The following IFI44 variants were observed in gnomAD, a reference collection of about 807,000 sequenced individuals.
IFI44 encodes interferon induced protein 44.
A neutral mutation model predicts 45.0 loss-of-function variants in IFI44; 42 were observed. The ratio of observed to expected loss-of-function variants is 0.93; its 90% CI spans 0.73 to 1.21. The LOEUF is 1.21. IFI44 is among the 50% of genes most tolerant of loss of function. The probability of loss-of-function intolerance (pLI) is 0.00; values close to 1 mark genes in which losing one functional copy is unlikely to be tolerated. For synonymous variants in IFI44, 221 were observed against 188.6 expected, an observed-to-expected ratio of 1.17 and a Z score of -1.41; for missense variants, 623 against 525.8, an observed-to-expected ratio of 1.18 and a Z score of -1.81.
At chr1:78,655,772 T>C (rs990278450) in intron 5 of IFI44, among the ~76,000 whole-genome samples, 21 of 152,262 alleles carry the variant, frequency 1.4e-4, no homozygotes, top group African/African-American at 4.3e-4. Context: ...ATTTTTCTTA[T>C]GTAAGAGGAA....
In IFI44 at chr1:78,663,914, G is replaced by A; in HGVS notation, c.*103G>A. The A allele has an allele frequency of 9.7e-7, 1 of 1,028,518 alleles. No homozygotes were observed. Among genetic ancestry groups the A allele is most frequent in the Non-Finnish European group, 1.4e-6 (1 of 712,298 alleles). 63.7% of individuals were successfully genotyped at this position (1,028,518 alleles called of 1,614,324 possible). The stretch of plus-strand genomic sequence containing the variant: ...GAAGTATCTAAGACCAAAGGGATGT[G>A]TTTTATTAATGTCTAGGATGAAGAA... On this transcript the variant is annotated 3_prime_UTR_variant, in exon 9 of 9. Transcript: ENST00000370747.
At chr1:78,658,953 G>A (rs1183538033) in intron 5 of IFI44, among the ~76,000 whole-genome samples, 4 of 151,906 alleles carry the variant, frequency 2.6e-5, no homozygotes, top group Non-Finnish European at 5.9e-5. Flanking sequence ...CCCTCCTTGC[G>A]CTCTGCTTGA....
Position 78,654,246 on chromosome 1 carries a change from C to G in IFI44, c.461C>G (p.Ser154Ter). Reference protein sequence around the residue: ...QDYEVFRCEDSLDERKIKGVI... With the variant: ...QDYEVFRCED ...TATTCTTTGATTATTTCCCCAGATT[C>G]ACTGGATGAAAGAAAGATAAAAGGG... The change falls in exon 3 of 9, where the codon TCA becomes TGA. Residue 154 changes from serine (S) to a stop codon, truncating the protein, a stop_gained. Coordinates refer to ENST00000370747, the MANE Select transcript of IFI44 (RefSeq NM_006417.5). LOFTEE classifies it high-confidence loss of function. The G allele has an allele frequency of 1.3e-6, 2 of 1,485,414 alleles. 1 individual carries two copies. Among genetic ancestry groups the G allele is most frequent in the South Asian group, 2.3e-5 (2 of 87,696 alleles). The allele number at this position is 1,485,414 out of a possible 1,614,324, so 92.0% of individuals were successfully genotyped here.
intron 8 of IFI44, 147 bp from the exon 9 acceptor site, chr1:78,663,618 T>G (rs1647597297): frequency 7.2e-7 from 1 of 1,388,372 alleles, no homozygotes; most frequent in African/African-American, 1.5e-5. Flanking sequence ...TCTGCCATCT[T>G]GGTTTCCCCA....
intron 5 of IFI44, among the ~76,000 whole-genome samples, chr1:78,655,718 A>G (rs1300471156): frequency 6.6e-6 from 1 of 152,006 alleles, no homozygotes; most frequent in Non-Finnish European, 1.5e-5. Context: ...GCTTTCAGCT[A>G]TGTGAAACAG....
At chr1:78,659,242 G>A (rs1465557295) in intron 5 of IFI44, 70 bp from the exon 6 acceptor site, 2 of 1,261,676 alleles carry the variant, frequency 1.6e-6, no homozygotes, top group Non-Finnish European at 2.3e-6. Flanking sequence ...CACTTGCACA[G>A]TGCCTGGTAC....
chr1:78,660,669 C>T lies in IFI44; in HGVS notation c.1113+15C>T, dbSNP rs771120829. On this transcript the variant is annotated intron_variant, in intron 7 of 8. Coordinates refer to ENST00000370747, the MANE Select transcript of IFI44 (RefSeq NM_006417.5). ...TGAGGTCCAAGGTAATGAATGATGC[C>T]CTTCGTAAACACATTTTCTGGGGTA... 2 of 1,496,440 alleles carry T rather than the reference C, an allele frequency of 1.3e-6. No homozygotes were observed. Among genetic ancestry groups the T allele is most frequent in the Non-Finnish European group, 1.9e-6 (2 of 1,073,286 alleles). 92.7% of individuals were successfully genotyped at this position (1,496,440 alleles called of 1,614,324 possible). A position where few individuals can be genotyped will look rare whatever the true frequency, so the allele number is the denominator to read the frequency against.
chr1:78,653,063 AATT>A (rs1178825959), intron 2 of IFI44, among the ~76,000 whole-genome samples: 1 of 152,110 alleles, frequency 6.6e-6, no homozygotes, highest in Non-Finnish European at 1.5e-5. Context: ...AAAACAAGAT[AATT>A]ATTTATTTTA....
intron 2 of IFI44, among the ~76,000 whole-genome samples, chr1:78,651,065 C>T (rs756880286): frequency 4.4e-4 from 67 of 152,114 alleles, no homozygotes; most frequent in Non-Finnish European, 8.7e-4. Context: ...TGTTAAGTGA[C>T]GACTTACCAT....
At chr1:78,657,896 TC>T (rs1160701203) in intron 5 of IFI44, among the ~76,000 whole-genome samples, 2 of 152,222 alleles carry the variant, frequency 1.3e-5, no homozygotes, top group African/African-American at 2.4e-5. Flanking sequence ...ACAATTTGGA[TC>T]CTGAGTCCTT....
chr1:78,655,530 G>C lies in IFI44; in HGVS notation c.840+19G>C. 2 of 1,583,296 alleles carry C rather than the reference G, an allele frequency of 1.3e-6. No individual in the cohort carries two copies. Among genetic ancestry groups the C allele is most frequent in the Non-Finnish European group, 1.7e-6 (2 of 1,162,456 alleles). Reference sequence around the variant, plus strand: ...ATACCAGGTAATATTTGACTAATGAGAAATTATAACTGATTTTTAAAATGC... The same window carrying C: ...ATACCAGGTAATATTTGACTAATGACAAATTATAACTGATTTTTAAAATGC... On this transcript the variant is annotated intron_variant, in intron 5 of 8. Coordinates refer to ENST00000370747, the MANE Select transcript of IFI44 (RefSeq NM_006417.5).
Position 78,655,405 on chromosome 1 carries a change from T to G in IFI44, c.734T>G (p.Leu245Arg), listed in dbSNP as rs772036130. The part of the protein sequence containing the change: ...SIRDGKDGKY[L>R]PFILCDSLGL... ...AGAGACGGGAAAGATGGCAAATACC[T>G]GCCGTTTATTCTGTGTGACTCACTG... Residue 245 changes from leucine (L) to arginine (R), a missense_variant, in exon 5 of 9, where the codon CTG becomes CGG. By Grantham distance (102) the Leu-to-Arg change is moderately radical (BLOSUM62 -2). Transcript: ENST00000370747. 1.2e-6 allele frequency: 2 copies of G among 1,613,808 alleles called. No homozygotes were observed. Among genetic ancestry groups the G allele is most frequent in the Admixed American group, 1.7e-5 (1 of 59,992 alleles).
In IFI44 at chr1:78,655,385, C is replaced by T. The variant is rs200944093; in HGVS notation, c.714C>T (p.Asp238=). 98 of 1,612,640 alleles carry T rather than the reference C, an allele frequency of 6.1e-5. 1 individual carries two copies. The highest frequency in any genetic ancestry group is 1.8e-4 in the East Asian group (8 of 44,856). ...AGTATAGGACATACTCTATTAGAGA[C>T]GGGAAAGATGGCAAATACCTGCCGT... ...SEKYRTYSIR[D]GKDGKYLPFI... Residue 238 remains aspartate (D), a synonymous_variant, in exon 5 of 9, where the codon GAC becomes GAT. Transcript: ENST00000370747.
In IFI44 at chr1:78,650,172, T is replaced by G; in HGVS notation, c.-10-14T>G. 1 of 1,541,912 alleles carries G rather than the reference T, an allele frequency of 6.5e-7. No individual in the cohort carries two copies. Among genetic ancestry groups the G allele is most frequent in the Non-Finnish European group, 8.8e-7 (1 of 1,132,894 alleles). ...TTTAATATTTAATGGAAAATATATA[T>G]GATTTGCCACTAGATCAAGAAGTAT... On this transcript the variant is annotated splice_polypyrimidine_tract_variant and intron_variant, in intron 1 of 8. Coordinates refer to ENST00000370747, the MANE Select transcript of IFI44 (RefSeq NM_006417.5).
chr1:78,663,059 G>C (rs1647559928), intron 8 of IFI44, 181 bp downstream of exon 8: 1 of 1,455,082 alleles, frequency 6.9e-7, no homozygotes, highest in Non-Finnish European at 9.1e-7. Context: ...CTCTTTTCCT[G>C]GAGTTCATAC....
At chr1:78,654,922 A>G (rs1283270352) in intron 3 of IFI44, 92 bp from the exon 4 acceptor site, 1 of 976,118 alleles carries the variant, frequency 1.0e-6, no homozygotes, top group Non-Finnish European at 1.4e-6. Context: ...ATCAAAAATA[A>G]TATCTATGAA....
intron 4 of IFI44, 25 bp downstream of exon 4, chr1:78,655,234 C>T (rs1647187347): frequency 1.2e-6 from 2 of 1,602,450 alleles, no homozygotes; most frequent in Admixed American, 3.4e-5. Flanking sequence ...GGCCACCTAG[C>T]CTTTGCTTCT....
At chr1:78,660,702 ACAATC>A in intron 7 of IFI44, 48 bp downstream of exon 7, 2 of 1,106,126 alleles carry the variant, frequency 1.8e-6, no homozygotes, top group Non-Finnish European at 2.8e-6. Flanking sequence ...GTATGTTACT[ACAATC>A]ACATACTAGT....
At position 78,659,370 on chromosome 1, in the gene IFI44, T is replaced by A; in HGVS notation, c.899T>A (p.Leu300Gln). ...NHHDYIDSPS[L>Q]KDRIHCVAFV... is the part of the protein sequence containing the mutation. ...CATGACTACATTGATTCCCCATCGC[T>A]GAAGGACAGAATTCATTGTGTGGCA... The change falls in exon 6 of 9, where the codon CTG (leucine) becomes CAG (glutamine). Residue 300 changes from leucine to glutamine, a missense_variant. By Grantham distance (113) the Leu-to-Gln change is moderately radical. Coordinates refer to ENST00000370747, the MANE Select transcript of IFI44 (RefSeq NM_006417.5). The A allele has an allele frequency of 6.2e-7, 1 of 1,613,464 alleles. No homozygotes were observed. Among genetic ancestry groups the A allele is most frequent in the African/African-American group, 1.3e-5 (1 of 75,046 alleles).
Sources: allele counts gnomAD v4.1 joint callset (sites outside exome capture counted in the v4.1 genomes callset), GRCh38; gene constraint gnomAD v4.1.1; transcripts MANE v1.5; gene names NCBI Gene and HGNC (gene_info 2026-07-23, HGNC 2026-07-21).